NEK10: variants seen among roughly 807,000 people sequenced by gnomAD.
NEK10 encodes serine/threonine-protein kinase Nek10.
In NEK10, 122 loss-of-function variants were observed where a neutral mutation model predicts 159.8. That is an observed-to-expected ratio of 0.76 (90% CI 0.66 to 0.89). The LOEUF is 0.89. NEK10 is among the 40% of genes least tolerant of loss of function. The probability of loss-of-function intolerance (pLI) is 0.00; values close to 1 mark genes in which losing one functional copy is unlikely to be tolerated. For synonymous variants in NEK10, 466 were observed against 457.1 expected, an observed-to-expected ratio of 1.02 and a Z score of -0.25; for missense variants, 1,342 against 1,323.1, an observed-to-expected ratio of 1.01 and a Z score of -0.22.
chr3:27,298,617 G>A (rs972990048), intron 13 of NEK10, among the ~76,000 whole-genome samples: 3 of 152,174 alleles, frequency 2.0e-5, no homozygotes, highest in African/African-American at 7.2e-5. Context: ...ACAATTTGGA[G>A]GGCTCACAAG....
intron 22 of NEK10, among the ~76,000 whole-genome samples, chr3:27,259,149 T>A (rs1231563012): frequency 1.3e-5 from 2 of 152,152 alleles, no homozygotes; most frequent in Admixed American, 6.5e-5. Context: ...TTGCAAAAAT[T>A]TTCTCCCATT....
intron 32 of NEK10, among the ~76,000 whole-genome samples, chr3:27,129,267 C>A (rs1161539270): frequency 5.3e-5 from 8 of 152,106 alleles, no homozygotes; most frequent in African/African-American, 1.9e-4. Context: ...GGGTCTTAGG[C>A]TATTAGTAAG....
intron 1 of NEK10, among the ~76,000 whole-genome samples, chr3:27,358,199 G>T (rs2048448725): frequency 6.6e-6 from 1 of 152,126 alleles, no homozygotes; most frequent in African/African-American, 2.4e-5. Flanking sequence ...TTGTTATTTT[G>T]TTATATAGGG....
chr3:27,285,136 G>A (rs1199322790), intron 20 of NEK10, among the ~76,000 whole-genome samples, 175 bp from the exon 21 acceptor site: 1 of 152,138 alleles, frequency 6.6e-6, no homozygotes, highest in Non-Finnish European at 1.5e-5. Context: ...TGGAGGTGAG[G>A]GGGTCTTAGG....
chr3:27,330,471 T>C (rs1575776113), intron 5 of NEK10, among the ~76,000 whole-genome samples: 2 of 152,148 alleles, frequency 1.3e-5, no homozygotes, highest in Admixed American at 6.5e-5. Context: ...ATCTATCAGA[T>C]AAGTGAAGGA....
At chr3:27,296,865 T>C (rs2043390500) in intron 14 of NEK10, among the ~76,000 whole-genome samples, 1 of 152,188 alleles carries the variant, frequency 6.6e-6, no homozygotes, top group Non-Finnish European at 1.5e-5. Context: ...CCTTACCTTA[T>C]GGTATTCTAT....
At chr3:27,334,231 G>A (rs1200321345) in intron 5 of NEK10, among the ~76,000 whole-genome samples, 1 of 152,202 alleles carries the variant, frequency 6.6e-6, no homozygotes, top group Non-Finnish European at 1.5e-5. Context: ...GCTGCCTGCA[G>A]GCCTGGAAAC....
chr3:27,164,607 G>T (rs1484942780), intron 29 of NEK10, among the ~76,000 whole-genome samples: 1 of 151,944 alleles, frequency 6.6e-6, no homozygotes, highest in African/African-American at 2.4e-5. Flanking sequence ...AGTTGCACTG[G>T]CCACATTTAA....
At chr3:27,175,448 G>A (rs1310325193) in intron 26 of NEK10, among the ~76,000 whole-genome samples, 1 of 152,126 alleles carries the variant, frequency 6.6e-6, no homozygotes, top group East Asian at 1.9e-4. Context: ...GCACTACAAA[G>A]TCATCAATCT....
intron 22 of NEK10, among the ~76,000 whole-genome samples, chr3:27,264,368 G>T (rs980313018): frequency 6.6e-6 from 1 of 152,148 alleles, no homozygotes; most frequent in Non-Finnish European, 1.5e-5. Context: ...AGAGCCTCAT[G>T]AACACAGACA....
intron 23 of NEK10, among the ~76,000 whole-genome samples, chr3:27,248,139 T>C (rs779076877): frequency 2.6e-5 from 4 of 152,160 alleles, no homozygotes; most frequent in Admixed American, 6.5e-5. Flanking sequence ...TTCTAAATTT[T>C]CCAGTTTATT....
chr3:27,363,359 T>C (rs2048821551), intron 1 of NEK10, among the ~76,000 whole-genome samples: 1 of 152,216 alleles, frequency 6.6e-6, no homozygotes, highest in East Asian at 1.9e-4. Flanking sequence ...GTCAAGCATA[T>C]GGAGGACAGC....
intron 29 of NEK10, among the ~76,000 whole-genome samples, chr3:27,166,803 T>C (rs778558687): frequency 3.3e-5 from 5 of 151,820 alleles, no homozygotes; most frequent in African/African-American, 4.8e-5. Flanking sequence ...CTACTAAAAA[T>C]ACAAAAATTA....
At chr3:27,208,992 T>C (rs1950768766) in intron 23 of NEK10, among the ~76,000 whole-genome samples, 3 of 152,152 alleles carry the variant, frequency 2.0e-5, no homozygotes, top group Admixed American at 2.0e-4. Flanking sequence ...GATGACACAT[T>C]CAAGAGCTGT....
Position 27,341,168 on chromosome 3 carries a change from G to A in NEK10, c.362+3104C>T, listed in dbSNP as rs537949928. On this transcript the variant is annotated intron_variant, in intron 5 of 35. Transcript: ENST00000691995. ...AAAAAGTCAGTCTCATAAAGATAGAGAGTAGAATAATAGATACCAGAGTCC... is the reference window on the plus strand; with the variant it reads ...AAAAAGTCAGTCTCATAAAGATAGAAAGTAGAATAATAGATACCAGAGTCC... Among the ~76,000 whole-genome samples the A allele has an allele frequency of 1.3e-5, 2 of 152,288 alleles. 1 individual carries two copies. Among genetic ancestry groups the A allele is most frequent in the South Asian group, 4.1e-4 (2 of 4,826 alleles).
chr3:27,298,415 C>A (rs2043537343), intron 13 of NEK10, among the ~76,000 whole-genome samples: 1 of 152,160 alleles, frequency 6.6e-6, no homozygotes, highest in Non-Finnish European at 1.5e-5. Flanking sequence ...TGTGAGGCCT[C>A]CCCAGCCATG....
intron 25 of NEK10, chr3:27,194,421 A>G (rs1007844957): frequency 6.6e-6 from 1 of 152,190 alleles, no homozygotes; most frequent in Non-Finnish European, 1.5e-5. Context: ...GGCCTCAGAG[A>G]AATTCTTAAC....
chr3:27,227,831 T>C (rs778321563), intron 23 of NEK10, among the ~76,000 whole-genome samples: 7 of 152,244 alleles, frequency 4.6e-5, no homozygotes, highest in African/African-American at 9.6e-5. Flanking sequence ...AGAAGTGCCA[T>C]AGGCATGGCT....
chr3:27,262,748 G>A (rs1406588512), intron 22 of NEK10, among the ~76,000 whole-genome samples: 3 of 152,040 alleles, frequency 2.0e-5, no homozygotes, highest in Non-Finnish European at 4.4e-5. Flanking sequence ...TTTTTTTCAA[G>A]GTTTTTAACT....
Sources: gnomAD v4.1 joint callset for allele counts (sites outside exome capture counted in the v4.1 genomes callset) on GRCh38, gnomAD v4.1.1 for gene constraint, MANE v1.5 for transcripts, NCBI Gene and HGNC (gene_info 2026-07-23, HGNC 2026-07-21) for gene names.